Variants in PTCSC3 observed in about 807,000 individuals in gnomAD.
The protein encoded by PTCSC3 is papillary thyroid carcinoma susceptibility candidate 3, also known as papillary thyroid carcinoma susceptibility candidate 3 (non-protein coding).
chr14:36,174,829 T>C (rs1594458819), intron 1 of PTCSC3, among the ~76,000 whole-genome samples: 1 of 152,310 alleles, frequency 6.6e-6, no homozygotes, highest in East Asian at 1.9e-4. Context: ...TATGTGCACT[T>C]TGTGGTGTCT....
chr14:36,166,803 T>G (rs1388644446), intron 1 of PTCSC3, among the ~76,000 whole-genome samples: 5 of 152,186 alleles, frequency 3.3e-5, no homozygotes, highest in Non-Finnish European at 5.9e-5. Context: ...TCTTTCTAAA[T>G]TTTTGCTCAC....
intron 3 of PTCSC3, among the ~76,000 whole-genome samples, chr14:36,147,426 C>T (rs1881602224): frequency 2.0e-5 from 3 of 152,202 alleles, no homozygotes; most frequent in African/African-American, 7.2e-5. Context: ...TCTTCCATTG[C>T]TGATACCCTT....
At chr14:36,140,393 T>C (rs1881392095) in intron 3 of PTCSC3, among the ~76,000 whole-genome samples, 1 of 152,226 alleles carries the variant, frequency 6.6e-6, no homozygotes, top group Admixed American at 6.5e-5. Context: ...ATTAAGTCCG[T>C]GTTTACCTTC....
intron 1 of PTCSC3, among the ~76,000 whole-genome samples, chr14:36,165,573 G>C (rs770862547): frequency 2.0e-5 from 3 of 151,926 alleles, no homozygotes; most frequent in Non-Finnish European, 4.4e-5. Flanking sequence ...TTTAAGGATG[G>C]GTCAAAAAGA....
intron 3 of PTCSC3, among the ~76,000 whole-genome samples, chr14:36,143,108 C>T (rs1478764085): frequency 2.0e-5 from 3 of 150,822 alleles, no homozygotes; most frequent in Admixed American, 6.6e-5. Context: ...AATAGTGCCG[C>T]AATAAACATA....
intron 3 of PTCSC3, among the ~76,000 whole-genome samples, chr14:36,147,217 T>C (rs968348189): frequency 5.9e-5 from 9 of 152,250 alleles, no homozygotes; most frequent in African/African-American, 2.2e-4. Context: ...CCTGCCTTGC[T>C]AGATTGGGGA....
intron 2 of PTCSC3, among the ~76,000 whole-genome samples, chr14:36,154,608 C>T (rs1018943957): frequency 6.6e-6 from 1 of 151,978 alleles, no homozygotes. Flanking sequence ...TGTCAGGAGG[C>T]GTTGGTAACA....
intron 2 of PTCSC3, among the ~76,000 whole-genome samples, chr14:36,155,349 A>T (rs1445673116): frequency 6.6e-6 from 1 of 152,220 alleles, no homozygotes; most frequent in African/African-American, 2.4e-5. Flanking sequence ...AAACCTAGTT[A>T]GATGATGATA....
chr14:36,150,283 G>GGC (rs1881691651), intron 3 of PTCSC3, among the ~76,000 whole-genome samples: 2 of 152,154 alleles, frequency 1.3e-5, no homozygotes, highest in Non-Finnish European at 2.9e-5. Flanking sequence ...GAGCCCTCAT[G>GGC]AATGGTATTA....
chr14:36,156,749 CT>C (rs1881836974), intron 2 of PTCSC3, among the ~76,000 whole-genome samples: 1 of 152,020 alleles, frequency 6.6e-6, no homozygotes, highest in Non-Finnish European at 1.5e-5. Context: ...GAACTCATCC[CT>C]TTTTATGGCT....
chr14:36,153,361 A>C (rs1337160955), intron 3 of PTCSC3, among the ~76,000 whole-genome samples: 2 of 152,248 alleles, frequency 1.3e-5, no homozygotes, highest in Non-Finnish European at 2.9e-5. Flanking sequence ...CATTGAGCCT[A>C]TGAAAACATT....
At position 36,139,469 on chromosome 14, in the gene PTCSC3, CATT is replaced by C. The variant is rs139379246; in HGVS notation, n.323-3116_323-3114del. ...ATACATACAGAATCCATGTGTGTCTCATTATACTGTTTTACCACCCAGATCTGA... is the reference window on the plus strand; with the variant it reads ...ATACATACAGAATCCATGTGTGTCTCATACTGTTTTACCACCCAGATCTGA... On this transcript the variant is annotated intron_variant and non_coding_transcript_variant, in intron 3 of 3. Transcript: ENST00000556013. Among the ~76,000 whole-genome samples, 1,452 of 152,268 alleles carry C rather than the reference CATT, an allele frequency of 9.5e-3. 18 individuals carry two copies. The highest frequency in any genetic ancestry group is 0.027 in the Middle Eastern group (8 of 294).
chr14:36,139,739 A>G (rs548402174), intron 3 of PTCSC3, among the ~76,000 whole-genome samples: 2 of 152,334 alleles, frequency 1.3e-5, no homozygotes, highest in East Asian at 3.8e-4. Flanking sequence ...AAGTGTTCCT[A>G]TATATCCTCC....
At chr14:36,151,041 C>T (rs1367846334) in intron 3 of PTCSC3, among the ~76,000 whole-genome samples, 1 of 152,120 alleles carries the variant, frequency 6.6e-6, no homozygotes, top group East Asian at 1.9e-4. Flanking sequence ...AAGAAATTTT[C>T]ACATTTCTTG....
At chr14:36,165,722 CT>C (rs71448056) in intron 1 of PTCSC3, among the ~76,000 whole-genome samples, 55,623 of 124,496 alleles carry the variant, frequency 0.45, 11,507 homozygotes, top group Non-Finnish European at 0.54. Context: ...TTTATTTTTC[CT>C]TTTTTTTTTT....
intron 2 of PTCSC3, among the ~76,000 whole-genome samples, chr14:36,155,700 C>A (rs1015027898): frequency 6.6e-6 from 1 of 152,062 alleles, no homozygotes; most frequent in Non-Finnish European, 1.5e-5. Flanking sequence ...GTGTCCTGTA[C>A]AATTTCACAA....
At position 36,142,687 on chromosome 14, in the gene PTCSC3, A is replaced by G. The variant is rs1245239621; in HGVS notation, n.323-6331T>C. ...TTTTTATTATTATACTTTAAGTTTTAGGGTACATGTGCACATTGTGCAGGT... is the reference window on the plus strand; with the variant it reads ...TTTTTATTATTATACTTTAAGTTTTGGGGTACATGTGCACATTGTGCAGGT... On this transcript the variant is annotated intron_variant and non_coding_transcript_variant, in intron 3 of 3. Coordinates refer to ENST00000556013, the Ensembl canonical transcript of PTCSC3. 4.0e-5 allele frequency among the ~76,000 whole-genome samples: 6 copies of G among 151,424 alleles called. No homozygotes were observed. The East Asian group carries it at 1.2e-3, about 29-fold the overall frequency.
chr14:36,159,942 CTCT>C (rs1414666259), intron 2 of PTCSC3, among the ~76,000 whole-genome samples: 3 of 152,152 alleles, frequency 2.0e-5, no homozygotes, highest in African/African-American at 7.2e-5. Context: ...GGATAGTTAG[CTCT>C]TCTTGTTGAA....
chr14:36,137,658 G>A (rs116241931), intron 3 of PTCSC3, among the ~76,000 whole-genome samples: 1 of 152,280 alleles, frequency 6.6e-6, no homozygotes, highest in African/African-American at 2.4e-5. Context: ...GAGAAAAAGA[G>A]AGGAGTCAAG....
Sources: gnomAD v4.1 joint callset for allele counts (sites outside exome capture counted in the v4.1 genomes callset) on GRCh38, gnomAD v4.1.1 for gene constraint, MANE v1.5 for transcripts, NCBI Gene and HGNC (gene_info 2026-07-23, HGNC 2026-07-21) for gene names.